The following NALCN variants were observed in gnomAD, a reference collection of about 807,000 sequenced individuals.
NALCN encodes the protein sodium leak channel NALCN.
NALCN carries 111 observed loss-of-function variants against 225.3 expected under a neutral mutation model. That is an observed-to-expected ratio of 0.49 (90% CI 0.42 to 0.58). NALCN has a LOEUF of 0.58. Ranked by LOEUF, NALCN falls within the 20% of genes least tolerant of loss-of-function variation. NALCN has a pLI of 0.00. For synonymous variants in NALCN, 764 were observed against 769.0 expected (o/e 0.99, Z 0.11); for missense variants, 1,378 against 2,202.4 (o/e 0.63, Z 7.49).
At chr13:101,192,270 C>A (rs974094778) in intron 13 of NALCN, among the ~76,000 whole-genome samples, 9 of 152,052 alleles carry the variant, frequency 5.9e-5, no homozygotes, top group South Asian at 4.1e-4. Flanking sequence ...AAAATAATTA[C>A]CCTGAATTAA....
chr13:101,415,121 G>A (rs564959116), intron 1 of NALCN, among the ~76,000 whole-genome samples: 1 of 147,604 alleles, frequency 6.8e-6, no homozygotes, highest in African/African-American at 2.6e-5. Context: ...AGATGCATCT[G>A]CCTCAGGGGT....
intron 11 of NALCN, among the ~76,000 whole-genome samples, chr13:101,256,559 AT>A (rs2042235274): frequency 6.6e-6 from 1 of 151,986 alleles, no homozygotes; most frequent in South Asian, 2.1e-4. Context: ...TGTATTGTTA[AT>A]TTTTTGCCTA....
chr13:101,138,049 G>A (rs986911670), intron 17 of NALCN, among the ~76,000 whole-genome samples: 2 of 152,092 alleles, frequency 1.3e-5, no homozygotes, highest in Admixed American at 6.5e-5. Flanking sequence ...CCTCTGCCTG[G>A]GGTGCTTTCT....
At chr13:101,402,848 A>C (rs538715426) in intron 1 of NALCN, among the ~76,000 whole-genome samples, 2 of 152,254 alleles carry the variant, frequency 1.3e-5, no homozygotes, top group South Asian at 4.1e-4. Flanking sequence ...CCCAGACCCT[A>C]CTGCTCTGAA....
At chr13:101,318,420 G>A (rs1347576711) in intron 7 of NALCN, among the ~76,000 whole-genome samples, 7 of 152,170 alleles carry the variant, frequency 4.6e-5, no homozygotes, top group Non-Finnish European at 1.0e-4. Flanking sequence ...GGATCCCTAA[G>A]CATGAACATT....
At chr13:101,146,099 A>C (rs941821105) in intron 15 of NALCN, among the ~76,000 whole-genome samples, 2 of 152,114 alleles carry the variant, frequency 1.3e-5, no homozygotes, top group Non-Finnish European at 2.9e-5. Flanking sequence ...ATGATGGATG[A>C]CTCAACTATC....
At chr13:101,246,646 A>C (rs917728727) in intron 11 of NALCN, among the ~76,000 whole-genome samples, 2 of 152,348 alleles carry the variant, frequency 1.3e-5, no homozygotes, top group Admixed American at 6.5e-5. Context: ...AACACACACA[A>C]AAAGTAATTG....
intron 13 of NALCN, among the ~76,000 whole-genome samples, chr13:101,202,839 T>A (rs1291361233): frequency 6.6e-6 from 1 of 152,174 alleles, no homozygotes; most frequent in East Asian, 1.9e-4. Flanking sequence ...CTAGAAGGAA[T>A]GGCTGAGGGA....
chr13:101,133,317 GA>G (rs2036606353), intron 17 of NALCN, among the ~76,000 whole-genome samples: 1 of 152,088 alleles, frequency 6.6e-6, no homozygotes. Context: ...TTCTAACTGG[GA>G]AAAAGTTTGA....
At chr13:101,153,101 C>G (rs188848590) in intron 15 of NALCN, among the ~76,000 whole-genome samples, 72 of 152,074 alleles carry the variant, frequency 4.7e-4, no homozygotes, top group Non-Finnish European at 9.1e-4. Flanking sequence ...TAAGTAAAAA[C>G]AGTAAAAAAC....
chr13:101,081,432 G>T, intron 34 of NALCN, 95 bp downstream of exon 34: 1 of 1,566,130 alleles, frequency 6.4e-7, no homozygotes, highest in Non-Finnish European at 8.7e-7. Flanking sequence ...CTCAGAGCAG[G>T]TTGATGTGGA....
chr13:101,392,016 AAAAAATAAAAAAT>A (rs1221869629), intron 3 of NALCN, among the ~76,000 whole-genome samples: 1 of 151,168 alleles, frequency 6.6e-6, no homozygotes, highest in East Asian at 1.9e-4. Flanking sequence ...AAAAAAAAAC[AAAAAATAAAAAAT>A]AAAAATAAAA....
At chr13:101,122,249 A>G (rs1223774031) in intron 18 of NALCN, among the ~76,000 whole-genome samples, 8 of 152,358 alleles carry the variant, frequency 5.3e-5, no homozygotes, top group African/African-American at 1.7e-4. Context: ...CCATTCGCAC[A>G]GAAGAAAAAA....
At chr13:101,090,058 A>G (rs1452576089) in intron 28 of NALCN, 92 bp from the exon 29 acceptor site, 6 of 1,572,062 alleles carry the variant, frequency 3.8e-6, no homozygotes, top group Non-Finnish European at 4.3e-6. Context: ...TGAGTGTGGG[A>G]TATGTGTGTG....
rs866633045 is a variant in NALCN, at chr13:101,054,594, C to T, written c.*701G>A. The stretch of plus-strand genomic sequence containing the variant: ...GATTTATCTACAGGTTTGTTTTAAA[C>T]CGCTAAGCATCCTGAGTCCATTTCT... On this transcript the variant is annotated 3_prime_UTR_variant, in exon 44 of 44. Coordinates refer to ENST00000251127, the MANE Select transcript of NALCN (RefSeq NM_052867.4). The T allele has an allele frequency of 2.0e-5, 3 of 152,164 alleles. No homozygotes were observed. Among genetic ancestry groups the T allele is most frequent in the African/African-American group, 7.2e-5 (3 of 41,418 alleles). 9.4% of individuals were successfully genotyped at this position (152,164 alleles called of 1,614,324 possible).
Position 101,089,520 on chromosome 13 carries a change from T to A in NALCN, c.3489+143A>T, listed in dbSNP as rs1448202708. The A allele has an allele frequency of 4.4e-6, 3 of 677,960 alleles. No homozygotes were observed. Among genetic ancestry groups the A allele is most frequent in the African/African-American group, 1.8e-5 (1 of 55,106 alleles). 42.0% of individuals were successfully genotyped at this position (677,960 alleles called of 1,614,324 possible). On this transcript the variant is annotated intron_variant, in intron 30 of 43. Coordinates refer to ENST00000251127, the MANE Select transcript of NALCN (RefSeq NM_052867.4). This position sits in a 1 kb window ranked among gnomAD's most constrained non-coding sequence, Gnocchi z 4.7. ...TCTGAAAAGCAGCAATGAGGGAGCT[T>A]GTAAAACAGTTATAGAGATTATTTA... is the stretch of plus-strand genomic sequence containing the variant.
intron 13 of NALCN, among the ~76,000 whole-genome samples, chr13:101,201,637 T>A (rs929122982): frequency 2.0e-5 from 3 of 152,182 alleles, no homozygotes; most frequent in Non-Finnish European, 4.4e-5. Flanking sequence ...ACATATGTTT[T>A]GATAAATTAC....
At chr13:101,130,157 T>C (rs1240039418) in intron 17 of NALCN, among the ~76,000 whole-genome samples, 1 of 152,164 alleles carries the variant, frequency 6.6e-6, no homozygotes, top group Non-Finnish European at 1.5e-5. Flanking sequence ...TATCTCCTTT[T>C]TTCTCCACAA....
chr13:101,241,221 T>C (rs2041746476), intron 11 of NALCN, among the ~76,000 whole-genome samples: 2 of 152,180 alleles, frequency 1.3e-5, no homozygotes, highest in South Asian at 4.1e-4. Flanking sequence ...AGGAAATCAT[T>C]GATTGTCTCT....
Sources: allele counts gnomAD v4.1 joint callset (sites outside exome capture counted in the v4.1 genomes callset), GRCh38; gene constraint gnomAD v4.1.1; non-coding constraint Gnocchi (gnomAD v3.1); transcripts MANE v1.5; gene names NCBI Gene and HGNC (gene_info 2026-07-23, HGNC 2026-07-21).